Variants in GDI2 observed in about 807,000 individuals in gnomAD.
GDI2 encodes rab GDP dissociation inhibitor beta.
GDI2 carries 22 observed loss-of-function variants against 54.2 expected under a neutral mutation model. The ratio of observed to expected loss-of-function variants is 0.41; its 90% CI spans 0.29 to 0.58. The LOEUF is 0.58. GDI2 is among the 20% of genes least tolerant of loss of function. The probability of loss-of-function intolerance (pLI) is 0.35; values close to 1 mark genes in which losing one functional copy is unlikely to be tolerated. For missense variants in GDI2, 422 were observed against 546.0 expected, an observed-to-expected ratio of 0.77 and a Z score of 2.26; for synonymous variants, 177 against 182.1, an observed-to-expected ratio of 0.97 and a Z score of 0.23.
chr10:5,773,866 T>G lies in GDI2; in HGVS notation c.795A>C (p.Val265=). ...IEEIIVQNGK[V]IGVKSEGEIA... is the part of the protein sequence containing the mutation. ...CTTCTCCTTCAGATTTTACACCAATTACTTTTCCATTCTGTACAATGATTT... is the reference window on the plus strand; with the variant it reads ...CTTCTCCTTCAGATTTTACACCAATGACTTTTCCATTCTGTACAATGATTT... The change falls in exon 7 of 11, where the codon GTA becomes GTC. Residue 265 remains valine (V), a synonymous_variant. Coordinates refer to ENST00000380191, the MANE Select transcript of GDI2 (RefSeq NM_001494.4). The G allele has an allele frequency of 6.7e-7, 1 of 1,487,692 alleles. No individual in the cohort carries two copies. Among genetic ancestry groups the G allele is most frequent in the Non-Finnish European group, 9.3e-7 (1 of 1,070,888 alleles). The allele number at this position is 1,487,692 out of a possible 1,614,324, so 92.2% of individuals were successfully genotyped here.
chr10:5,786,113 T>C (rs1317249572), intron 4 of GDI2, 63 bp from the exon 5 acceptor site: 3 of 1,074,346 alleles, frequency 2.8e-6, no homozygotes, highest in African/African-American at 1.6e-5. Context: ...GAACGAAGTA[T>C]GAGAGCAAAG....
intron 1 of GDI2, 93 bp from the exon 2 acceptor site, chr10:5,800,798 G>C: frequency 1.4e-6 from 1 of 727,662 alleles, no homozygotes; most frequent in Non-Finnish European, 2.5e-6. Flanking sequence ...CATTCTCTTA[G>C]TAATTACACT....
At position 5,765,990 on chromosome 10, in the gene GDI2, A is replaced by G. The variant is rs1212483814; in HGVS notation, c.*16T>C. The stretch of plus-strand genomic sequence containing the variant: ...ATTTTAAATGTGTCCTAATTACATA[A>G]TAACATGTACTGCTGTTAGTCTTCC... On this transcript the variant is annotated 3_prime_UTR_variant, in exon 11 of 11. Coordinates refer to ENST00000380191, the MANE Select transcript of GDI2 (RefSeq NM_001494.4). The G allele has an allele frequency of 7.1e-6, 11 of 1,556,494 alleles. No individual in the cohort carries two copies. The South Asian group carries it at 7.2e-5, about 10-fold the overall frequency.
chr10:5,806,813 T>C (rs1841388995), intron 1 of GDI2, among the ~76,000 whole-genome samples: 1 of 152,176 alleles, frequency 6.6e-6, no homozygotes, highest in Non-Finnish European at 1.5e-5. Flanking sequence ...AGGAAGACAG[T>C]TACATTCCCA....
chr10:5,797,643 AGGTG>A (rs1841179074), intron 2 of GDI2, among the ~76,000 whole-genome samples: 1 of 1,894 alleles, frequency 5.3e-4, no homozygotes, highest in Non-Finnish European at 2.2e-3. Flanking sequence ...TGAATCTGGG[AGGTG>A]GAGAATCACA....
At chr10:5,777,628 G>A (rs993267553) in intron 6 of GDI2, among the ~76,000 whole-genome samples, 4 of 152,204 alleles carry the variant, frequency 2.6e-5, no homozygotes, top group African/African-American at 7.2e-5. Flanking sequence ...TAAAAAGCCA[G>A]GAAACAGCAG....
intron 4 of GDI2, among the ~76,000 whole-genome samples, chr10:5,787,526 T>C (rs1278227443): frequency 6.6e-6 from 1 of 150,788 alleles, no homozygotes; most frequent in Non-Finnish European, 1.5e-5. Context: ...AAAAGAAACA[T>C]GAGGCTATTA....
chr10:5,794,315 G>A (rs1238684613), intron 4 of GDI2, among the ~76,000 whole-genome samples: 1 of 146,766 alleles, frequency 6.8e-6, no homozygotes, highest in African/African-American at 2.5e-5. Context: ...ATCAGAATGA[G>A]TACTTCTCCT....
chr10:5,794,192 T>A (rs57134466), intron 4 of GDI2, among the ~76,000 whole-genome samples: 1,715 of 27,922 alleles, frequency 0.061, 128 homozygotes, highest in East Asian at 0.1. Flanking sequence ...AAAAAAAATA[T>A]ATATATATAT....
chr10:5,781,272 T>TGA (rs1840747624), intron 6 of GDI2, among the ~76,000 whole-genome samples: 1 of 132,120 alleles, frequency 7.6e-6, no homozygotes, highest in Non-Finnish European at 1.6e-5. Context: ...ATAAAACTTC[T>TGA]AAAAAAAAAA....
intron 1 of GDI2, among the ~76,000 whole-genome samples, chr10:5,803,613 A>G (rs1424510964): frequency 1.3e-5 from 2 of 152,248 alleles, no homozygotes; most frequent in African/African-American, 4.8e-5. Flanking sequence ...GAGACTAAAA[A>G]GTTTGAAAAC....
At chr10:5,803,697 C>T (rs1841316784) in intron 1 of GDI2, among the ~76,000 whole-genome samples, 1 of 152,012 alleles carries the variant, frequency 6.6e-6, no homozygotes, top group Non-Finnish European at 1.5e-5. Flanking sequence ...AATGACCACT[C>T]TCAGGAAAAA....
chr10:5,780,320 T>TA (rs1451499951), intron 6 of GDI2, among the ~76,000 whole-genome samples: 2 of 140,552 alleles, frequency 1.4e-5, no homozygotes, highest in Non-Finnish European at 3.1e-5. Flanking sequence ...ATAGAAAACA[T>TA]ATTTAATAGT....
chr10:5,809,074 A>G (rs1841436581), intron 1 of GDI2, among the ~76,000 whole-genome samples: 1 of 151,972 alleles, frequency 6.6e-6, no homozygotes, highest in African/African-American at 2.4e-5. Flanking sequence ...GTGAAACCCC[A>G]TCTCTACTAA....
chr10:5,808,751 A>AC (rs1841429937), intron 1 of GDI2, among the ~76,000 whole-genome samples: 2 of 148,104 alleles, frequency 1.4e-5, no homozygotes, highest in South Asian at 4.2e-4. Context: ...ACACACACAA[A>AC]TGTGATCAGG....
At chr10:5,778,389 C>G (rs960259756) in intron 6 of GDI2, among the ~76,000 whole-genome samples, 2 of 152,182 alleles carry the variant, frequency 1.3e-5, no homozygotes, top group Admixed American at 1.3e-4. Context: ...GTAATTGAAA[C>G]ATGCTTTCTT....
chr10:5,812,569 T>C (rs920596686), intron 1 of GDI2, among the ~76,000 whole-genome samples: 3 of 150,966 alleles, frequency 2.0e-5, no homozygotes, highest in Admixed American at 6.6e-5. Context: ...ATTCCAATTC[T>C]ACAGATGCTC....
chr10:5,800,103 G>A (rs1486046920), intron 2 of GDI2, among the ~76,000 whole-genome samples: 4 of 152,026 alleles, frequency 2.6e-5, no homozygotes, highest in Non-Finnish European at 2.9e-5. Flanking sequence ...CAAACCTCAC[G>A]CAGAAAAACA....
At chr10:5,812,413 G>A (rs1050428559) in intron 1 of GDI2, among the ~76,000 whole-genome samples, 1 of 152,116 alleles carries the variant, frequency 6.6e-6, no homozygotes, top group African/African-American at 2.4e-5. Flanking sequence ...CAGAGAACTT[G>A]GCTTTTAGCA....
Sources: gnomAD v4.1 joint callset for allele counts (sites outside exome capture counted in the v4.1 genomes callset) on GRCh38, gnomAD v4.1.1 for gene constraint, MANE v1.5 for transcripts, NCBI Gene and HGNC (gene_info 2026-07-23, HGNC 2026-07-21) for gene names.